The following PHF8 variants were observed in gnomAD, a reference collection of about 807,000 sequenced individuals.
PHF8 encodes PHD finger protein 8.
In PHF8, 9 loss-of-function variants were observed where a neutral mutation model predicts 74.4. The observed-to-expected ratio is 0.12, with a 90% CI of 0.07 to 0.21. The LOEUF (loss-of-function observed/expected upper bound fraction) is 0.21, where lower values mean the gene tolerates loss of function less well. Among genes scored for constraint, PHF8 ranks in the 10% least tolerant of loss-of-function variants. The pLI is 1.00. For synonymous variants in PHF8, 311 were observed against 316.6 expected (o/e 0.98, Z 0.19); for missense variants, 478 against 816.6 (o/e 0.59, Z 5.05).
chrX:53,991,652 A>C (rs2065662677), intron 14 of PHF8, among the ~76,000 whole-genome samples: 2 of 83,266 alleles, frequency 2.4e-5, no homozygotes, highest in African/African-American at 1.0e-4. Flanking sequence ...ACAGAGTGAG[A>C]CTCTGTCTCA....
intron 14 of PHF8, among the ~76,000 whole-genome samples, chrX:53,990,406 A>G (rs1343841348): frequency 9.0e-6 from 1 of 110,759 alleles, no homozygotes; most frequent in Non-Finnish European, 1.9e-5. Flanking sequence ...TGCAGCGGGT[A>G]ATAGGCAGCA....
chrX:53,991,675 A>AAC (rs1557101393), intron 14 of PHF8, among the ~76,000 whole-genome samples: 5 of 105,552 alleles, frequency 4.7e-5, no homozygotes, highest in African/African-American at 1.4e-4. Flanking sequence ...AAAAAAAAAA[A>AAC]AAAAAAAAAA....
rs782381822 is a variant in PHF8, at chrX:54,028,816, T to C, written c.99-5973A>G. ...CCTCTCCCTCCACTATACCCTGAAGTAGACGTTCTAGCATCAAGTTAAGAA... is the reference window on the plus strand; with the variant it reads ...CCTCTCCCTCCACTATACCCTGAAGCAGACGTTCTAGCATCAAGTTAAGAA... On this transcript the variant is annotated intron_variant, in intron 2 of 21. Transcript: ENST00000338154. Among the ~76,000 whole-genome samples, 21 of 111,830 alleles carry C rather than the reference T, an allele frequency of 1.9e-4. No individual in the cohort carries two copies. The East Asian group carries it at 5.9e-3, about 32-fold the overall frequency.
chrX:53,948,078 A>G (rs2064858101), intron 19 of PHF8, among the ~76,000 whole-genome samples: 3 of 111,864 alleles, frequency 2.7e-5, no homozygotes, highest in African/African-American at 9.8e-5. Context: ...TGAACATAAG[A>G]AAATGGTGGT....
rs782251598 is a variant in PHF8, at chrX:53,987,848, G to A, written c.1827C>T (p.Asp609=). 3.1e-5 allele frequency: 37 copies of A among 1,205,821 alleles called. No individual in the cohort carries two copies. The South Asian group carries it at 5.1e-4, about 17-fold the overall frequency. Residue 609 remains aspartate, a synonymous_variant, in exon 15 of 22, where the codon GAC becomes GAT. Coordinates refer to ENST00000338154, the MANE Select transcript of PHF8 (RefSeq NM_015107.3). The stretch of plus-strand genomic sequence containing the variant: ...CATCATCTGAATCCAAGTCAAATTC[G>A]TCTTCCATCACCTGTTCTGCCATCA... ...ARLMAEQVME[D]EFDLDSDDEL...
intron 12 of PHF8, 46 bp downstream of exon 12, chrX:53,995,647 C>G (rs2065734962): frequency 1.2e-6 from 1 of 867,577 alleles, no homozygotes; most frequent in African/African-American, 2.0e-5. Flanking sequence ...ACTTGAGCCT[C>G]AAGGCCTTTC....
At chrX:53,960,800 T>C (rs1557090574) in intron 19 of PHF8, among the ~76,000 whole-genome samples, 4 of 108,602 alleles carry the variant, frequency 3.7e-5, no homozygotes, top group African/African-American at 1.3e-4. Flanking sequence ...ATTTAAACAA[T>C]AAAAATTAAA....
At chrX:53,976,091 A>G (rs2149814377) in intron 18 of PHF8, among the ~76,000 whole-genome samples, 1 of 110,717 alleles carries the variant, frequency 9.0e-6, no homozygotes, top group East Asian at 2.8e-4. Flanking sequence ...AAGGAGGGCG[A>G]TCACTTGAGG....
At chrX:53,975,221 T>G (rs1201824321) in intron 18 of PHF8, among the ~76,000 whole-genome samples, 3 of 112,412 alleles carry the variant, frequency 2.7e-5, no homozygotes, top group Non-Finnish European at 3.8e-5. Flanking sequence ...GGAGAGGATT[T>G]GTTACTCTTC....
chrX:53,988,697 C>T lies in PHF8; in HGVS notation c.1731-753G>A, dbSNP rs1418971904. Among the ~76,000 whole-genome samples, 5 of 98,659 alleles carry T rather than the reference C, an allele frequency of 5.1e-5. 1 individual carries two copies. Among genetic ancestry groups the T allele is most frequent in the African/African-American group, 1.9e-4 (5 of 26,602 alleles). 85.7% of individuals were successfully genotyped at this position (98,659 alleles called of 115,157 possible). ...AGTTCAATGGCATGATCTCAGCTCA[C>T]GGCAACCTCCGCCTCTCAGGTTCAA... On this transcript the variant is annotated intron_variant, in intron 14 of 21. Coordinates refer to ENST00000338154, the MANE Select transcript of PHF8 (RefSeq NM_015107.3).
intron 14 of PHF8, among the ~76,000 whole-genome samples, chrX:53,990,676 T>C (rs1327764338): frequency 1.8e-5 from 2 of 111,701 alleles, no homozygotes; most frequent in African/African-American, 6.5e-5. Context: ...TCCACCCAGA[T>C]GGGCCCAGAT....
intron 18 of PHF8, among the ~76,000 whole-genome samples, chrX:53,979,326 G>C (rs1221532614): frequency 9.0e-6 from 1 of 111,254 alleles, no homozygotes; most frequent in Admixed American, 9.6e-5. Context: ...AGGTTGCAGT[G>C]AGCCGAGATT....
At chrX:53,996,564 GAC>G (rs1264709446) in intron 11 of PHF8, among the ~76,000 whole-genome samples, 2 of 110,616 alleles carry the variant, frequency 1.8e-5, no homozygotes, top group African/African-American at 6.6e-5. Flanking sequence ...ATTTTCTTGA[GAC>G]AGAGTCTTAC....
intron 19 of PHF8, among the ~76,000 whole-genome samples, chrX:53,962,156 C>A (rs2065116103): frequency 9.0e-6 from 1 of 111,548 alleles, no homozygotes; most frequent in South Asian, 3.7e-4. Flanking sequence ...TCTGAGACAC[C>A]TGAAGGAGAA....
intron 18 of PHF8, among the ~76,000 whole-genome samples, chrX:53,976,324 A>G (rs2065375258): frequency 9.0e-6 from 1 of 110,892 alleles, no homozygotes; most frequent in African/African-American, 3.3e-5. Context: ...AAATAAAATA[A>G]AATAGAATAA....
At chrX:54,025,763 T>C (rs1435904986) in intron 2 of PHF8, among the ~76,000 whole-genome samples, 2 of 111,578 alleles carry the variant, frequency 1.8e-5, no homozygotes, top group African/African-American at 6.5e-5. Context: ...TGACCACAAG[T>C]CTATCTATCC....
At chrX:54,039,008 C>G (rs1199039747) in intron 2 of PHF8, among the ~76,000 whole-genome samples, 1 of 109,116 alleles carries the variant, frequency 9.2e-6, no homozygotes, top group Non-Finnish European at 1.9e-5. Flanking sequence ...GTGGCGCGCA[C>G]CTGTAATCCC....
intron 18 of PHF8, among the ~76,000 whole-genome samples, chrX:53,971,675 A>G: frequency 8.9e-6 from 1 of 111,939 alleles, no homozygotes; most frequent in Admixed American, 9.5e-5. Flanking sequence ...ACAGAAATAC[A>G]AACAACCATC....
At chrX:53,996,593 G>A (rs1325083829) in intron 11 of PHF8, among the ~76,000 whole-genome samples, 1 of 110,881 alleles carries the variant, frequency 9.0e-6, no homozygotes, top group Non-Finnish European at 1.9e-5. Context: ...ACCCAGGCTG[G>A]AGTTCAGTGG....
Sources: allele counts gnomAD v4.1 joint callset (sites outside exome capture counted in the v4.1 genomes callset), GRCh38; gene constraint gnomAD v4.1.1; transcripts MANE v1.5; gene names NCBI Gene and HGNC (gene_info 2026-07-23, HGNC 2026-07-21).